CDK8: variants seen among roughly 807,000 people sequenced by gnomAD.
CDK8 encodes cyclin dependent kinase 8.
In CDK8, 29 loss-of-function variants were observed where a neutral mutation model predicts 71.5. That is an observed-to-expected ratio of 0.41 (90% CI 0.30 to 0.55). CDK8 has a LOEUF of 0.55. Among genes scored for constraint, CDK8 ranks in the 20% least tolerant of loss-of-function variants. The pLI is 0.37. For synonymous variants in CDK8, 161 were observed against 192.1 expected, an observed-to-expected ratio of 0.84 and a Z score of 1.34; for missense variants, 288 against 572.6, an observed-to-expected ratio of 0.50 and a Z score of 5.07.
chr13:26,363,454 A>G (rs1565986681), intron 4 of CDK8, among the ~76,000 whole-genome samples: 1 of 151,886 alleles, frequency 6.6e-6, no homozygotes, highest in Non-Finnish European at 1.5e-5. Flanking sequence ...GAAAATCTCT[A>G]GATTTGGGGA....
intron 1 of CDK8, among the ~76,000 whole-genome samples, chr13:26,265,697 T>G (rs986181355): frequency 6.6e-6 from 1 of 152,160 alleles, no homozygotes; most frequent in African/African-American, 2.4e-5. Flanking sequence ...AAAGATGGTA[T>G]GTACGGTGAG....
At chr13:26,324,090 T>C (rs946183417) in intron 1 of CDK8, among the ~76,000 whole-genome samples, 1 of 152,144 alleles carries the variant, frequency 6.6e-6, no homozygotes, top group Non-Finnish European at 1.5e-5. Flanking sequence ...TATTAGTGTT[T>C]AAAGGATCCT....
At chr13:26,301,212 C>CTTTTTTTT (rs36054795) in intron 1 of CDK8, among the ~76,000 whole-genome samples, 1 of 92,904 alleles carries the variant, frequency 1.1e-5, no homozygotes, top group Non-Finnish European at 2.1e-5. Context: ...TATCAGTAGA[C>CTTTTTTTT]TTTTTTTTTT....
At chr13:26,339,436 T>G (rs1345925548) in intron 2 of CDK8, among the ~76,000 whole-genome samples, 1 of 152,000 alleles carries the variant, frequency 6.6e-6, no homozygotes, top group Non-Finnish European at 1.5e-5. Context: ...CATTCCATTG[T>G]TCTCTCTGTC....
intron 1 of CDK8, among the ~76,000 whole-genome samples, chr13:26,308,164 A>G (rs902318101): frequency 6.6e-6 from 1 of 152,256 alleles, no homozygotes; most frequent in Admixed American, 6.5e-5. Context: ...TGTCTGTTTA[A>G]ATAAAATGAA....
chr13:26,330,084 A>G (rs1411494850), intron 1 of CDK8, among the ~76,000 whole-genome samples: 2 of 152,174 alleles, frequency 1.3e-5, no homozygotes, highest in Non-Finnish European at 2.9e-5. Flanking sequence ...ACATGAGAAC[A>G]TTTGTTACAT....
rs1419473654 is a variant in CDK8, at chr13:26,381,878, G to A, written c.457-936G>A. On this transcript the variant is annotated intron_variant, in intron 4 of 12. Coordinates refer to ENST00000381527, the MANE Select transcript of CDK8 (RefSeq NM_001260.3). ...TATGGTTAGAGAAGCCTGTGAAATG[G>A]TTACCACTATAAACAGGCTTCACTA... Among the ~76,000 whole-genome samples the A allele has an allele frequency of 2.0e-5, 3 of 152,074 alleles. No individual in the cohort carries two copies. In the East Asian group the frequency reaches 5.8e-4, roughly 29 times the overall value.
At chr13:26,364,374 A>G (rs1874284550) in intron 4 of CDK8, among the ~76,000 whole-genome samples, 2 of 152,340 alleles carry the variant, frequency 1.3e-5, no homozygotes, top group South Asian at 4.1e-4. Context: ...AATGTGTCAC[A>G]TAATATTAAA....
At position 26,254,765 on chromosome 13, in the gene CDK8, G is replaced by C. The variant is rs1871440613; in HGVS notation, c.124G>C (p.Asp42His). 8 of 1,611,988 alleles carry C rather than the reference G, an allele frequency of 5.0e-6. No individual in the cohort carries two copies. The highest frequency in any genetic ancestry group is 6.8e-6 in the Non-Finnish European group (8 of 1,179,108). ...TCACGTCTACAAAGCCAAGAGGAAA[G>C]ATGGGTGAGTGTGTGTGTCTGGGCC... ...YGHVYKAKRK[D>H]GKDDKDYALK... The change falls in exon 1 of 13, where the codon GAT (aspartate) becomes CAT (histidine). Residue 42 changes from aspartate (D) to histidine (H), a missense_variant. By Grantham distance (81) the Asp-to-His change is moderately conservative. Transcript: ENST00000381527. This position sits in a 1 kb window ranked among gnomAD's most constrained non-coding sequence, Gnocchi z 6.7.
chr13:26,354,334 C>T (rs537017693), intron 4 of CDK8, among the ~76,000 whole-genome samples: 13 of 152,310 alleles, frequency 8.5e-5, no homozygotes, highest in African/African-American at 3.1e-4. Flanking sequence ...GGCCAATCAC[C>T]TTTATTAATC....
At chr13:26,335,564 C>G (rs1336949876) in intron 1 of CDK8, among the ~76,000 whole-genome samples, 2 of 152,080 alleles carry the variant, frequency 1.3e-5, no homozygotes, top group Middle Eastern at 3.2e-3. Context: ...AAAACTCAGC[C>G]TACACAGAAT....
chr13:26,328,811 A>G (rs1236763956), intron 1 of CDK8, among the ~76,000 whole-genome samples: 1 of 152,104 alleles, frequency 6.6e-6, no homozygotes, highest in Non-Finnish European at 1.5e-5. Flanking sequence ...GTTTTCTTGA[A>G]TTGCTTGAAT....
At chr13:26,381,032 T>G (rs992455371) in intron 4 of CDK8, among the ~76,000 whole-genome samples, 8 of 152,204 alleles carry the variant, frequency 5.3e-5, no homozygotes, top group African/African-American at 1.9e-4. Context: ...TTGTCTTTTA[T>G]GAAAATGACC....
chr13:26,299,450 G>T (rs1390653788), intron 1 of CDK8, among the ~76,000 whole-genome samples: 3 of 152,168 alleles, frequency 2.0e-5, no homozygotes, highest in Non-Finnish European at 2.9e-5. Context: ...CCTGTACTGT[G>T]TACATGGTGC....
chr13:26,289,422 T>C (rs1165348850), intron 1 of CDK8, among the ~76,000 whole-genome samples: 1 of 152,184 alleles, frequency 6.6e-6, no homozygotes, highest in East Asian at 1.9e-4. Flanking sequence ...GTATTTGATG[T>C]TTGTTTTGAT....
chr13:26,384,518 A>G (rs763375563), intron 5 of CDK8, among the ~76,000 whole-genome samples: 2 of 152,222 alleles, frequency 1.3e-5, no homozygotes, highest in East Asian at 3.8e-4. Flanking sequence ...CCATGCCCGA[A>G]TAACTACACT....
At chr13:26,331,142 C>T (rs1224555026) in intron 1 of CDK8, among the ~76,000 whole-genome samples, 3 of 152,018 alleles carry the variant, frequency 2.0e-5, no homozygotes, top group South Asian at 4.2e-4. Context: ...CCATCCTCAC[C>T]GGGGTAAGAT....
chr13:26,403,591 A>G (rs765543577), intron 12 of CDK8, among the ~76,000 whole-genome samples: 63 of 152,226 alleles, frequency 4.1e-4, no homozygotes, highest in Admixed American at 2.5e-3. Flanking sequence ...TGAAGAAAGC[A>G]TGTAAATAAG....
At chr13:26,344,428 A>G (rs1319308590) in intron 2 of CDK8, among the ~76,000 whole-genome samples, 1 of 152,182 alleles carries the variant, frequency 6.6e-6, no homozygotes, top group East Asian at 1.9e-4. Context: ...GATCATGAAT[A>G]TCATTGTCTT....
Sources: gnomAD v4.1 joint callset for allele counts (sites outside exome capture counted in the v4.1 genomes callset) on GRCh38, gnomAD v4.1.1 for gene constraint, Gnocchi (gnomAD v3.1) non-coding constraint, MANE v1.5 for transcripts, NCBI Gene and HGNC (gene_info 2026-07-23, HGNC 2026-07-21) for gene names.